The following NID1 variants were observed in gnomAD, a reference collection of about 807,000 sequenced individuals.
NID1 encodes the protein nidogen-1.
In NID1, 76 loss-of-function variants were observed where a neutral mutation model predicts 130.6. That is an observed-to-expected ratio of 0.58 (90% CI 0.48 to 0.70). NID1 has a LOEUF of 0.70. Ranked by LOEUF, NID1 falls within the 30% of genes least tolerant of loss-of-function variation. The probability of loss-of-function intolerance (pLI) is 0.00; values close to 1 mark genes in which losing one functional copy is unlikely to be tolerated. For missense variants in NID1, 1,517 were observed against 1,664.8 expected (o/e 0.91, Z 1.54); for synonymous variants, 665 against 675.1 (o/e 0.98, Z 0.23).
At chr1:236,038,847 CCT>C (rs1381053732) in intron 4 of NID1, among the ~76,000 whole-genome samples, 9 of 129,278 alleles carry the variant, frequency 7.0e-5, no homozygotes, top group Admixed American at 2.4e-4. Context: ...ATAAATATTA[CCT>C]ATGTTATATA....
intron 16 of NID1, 93 bp downstream of exon 16, chr1:235,981,518 G>T: frequency 7.3e-7 from 1 of 1,361,474 alleles, no homozygotes; most frequent in Non-Finnish European, 1.0e-6. Flanking sequence ...AATTTCAGGA[G>T]ACCAATGCTG....
intron 1 of NID1, among the ~76,000 whole-genome samples, chr1:236,061,731 T>G (rs1660042956): frequency 6.7e-6 from 1 of 149,058 alleles, no homozygotes; most frequent in Non-Finnish European, 1.5e-5. Context: ...TCTCAACAAT[T>G]AAAAAAAAAA....
At chr1:236,012,528 A>C (rs928256209) in intron 11 of NID1, among the ~76,000 whole-genome samples, 3 of 136,864 alleles carry the variant, frequency 2.2e-5, no homozygotes, top group Admixed American at 8.3e-5. Flanking sequence ...ATTGCACTCC[A>C]GCTTGGGCAA....
intron 14 of NID1, among the ~76,000 whole-genome samples, chr1:235,986,433 CAA>C (rs5781855): frequency 7.2e-4 from 107 of 148,186 alleles, no homozygotes; most frequent in Middle Eastern, 3.5e-3. Context: ...GTGACAGCAT[CAA>C]AAAAAAAAAC....
At chr1:236,042,961 G>A (rs1041474291) in intron 3 of NID1, among the ~76,000 whole-genome samples, 1 of 152,186 alleles carries the variant, frequency 6.6e-6, no homozygotes, top group East Asian at 1.9e-4. Flanking sequence ...AATCACCAAG[G>A]ATCAGTGATT....
At chr1:236,043,452 C>T (rs1190452265) in intron 3 of NID1, among the ~76,000 whole-genome samples, 1 of 152,118 alleles carries the variant, frequency 6.6e-6, no homozygotes, top group Non-Finnish European at 1.5e-5. Flanking sequence ...AAACCCCACC[C>T]ATTTGGTGTC....
At chr1:235,997,178 G>A (rs1354283514) in intron 12 of NID1, among the ~76,000 whole-genome samples, 1 of 152,108 alleles carries the variant, frequency 6.6e-6, no homozygotes, top group Non-Finnish European at 1.5e-5. Context: ...TGGTTGAATA[G>A]GTCTAGGGTA....
chr1:236,016,200 T>A (rs2102819303), intron 10 of NID1, among the ~76,000 whole-genome samples: 1 of 150,656 alleles, frequency 6.6e-6, no homozygotes, highest in East Asian at 1.9e-4. Flanking sequence ...AAATCTCAAC[T>A]GTGCAGAGGG....
At chr1:236,063,645 A>C (rs1378139617) in intron 1 of NID1, among the ~76,000 whole-genome samples, 1 of 151,946 alleles carries the variant, frequency 6.6e-6, no homozygotes, top group African/African-American at 2.4e-5. Context: ...TATACTGCCC[A>C]GCATGGTGAC....
intron 5 of NID1, among the ~76,000 whole-genome samples, chr1:236,037,511 A>G (rs1378590311): frequency 6.6e-6 from 1 of 152,148 alleles, no homozygotes; most frequent in African/African-American, 2.4e-5. Flanking sequence ...TACAAAAATT[A>G]GCTGGGTTTG....
rs1320505277 is a variant in NID1, at chr1:236,038,153, G to C, written c.1236C>G (p.Cys412Trp). 2 of 1,610,172 alleles carry C rather than the reference G, an allele frequency of 1.2e-6. No homozygotes were observed. The highest frequency in any genetic ancestry group is 1.7e-6 in the Non-Finnish European group (2 of 1,176,950). The change falls in exon 5 of 20, where the codon TGC becomes TGG. Residue 412 changes from cysteine (C) to tryptophan (W), a missense_variant. Around this residue, in one of 3 missense-constraint regions of NID1, gnomAD observed 1,329 missense variants for 1,429.2 expected, o/e 0.93. Transcript: ENST00000264187. The part of the protein sequence containing the change: ...ECRDYATGFC[C>W]SCVAGYTGNG... Reference sequence around the variant, plus strand: ...TGCCCGTATAGCCAGCGACACAGCTGCAGCAGAAGCCCGTGGCGTAGTCCC... The same window carrying C: ...TGCCCGTATAGCCAGCGACACAGCTCCAGCAGAAGCCCGTGGCGTAGTCCC...
At chr1:235,990,197 A>C (rs547480101) in intron 14 of NID1, among the ~76,000 whole-genome samples, 6 of 152,358 alleles carry the variant, frequency 3.9e-5, no homozygotes. Flanking sequence ...AAATAGAAAA[A>C]GAAGAAAACA....
chr1:236,057,962 C>T (rs1449204735), intron 1 of NID1, among the ~76,000 whole-genome samples: 1 of 152,126 alleles, frequency 6.6e-6, no homozygotes, highest in African/African-American at 2.4e-5. Context: ...ACTTAGGGAT[C>T]CTGACTCCCA....
At chr1:235,980,759 C>A in intron 16 of NID1, 106 bp from the exon 17 acceptor site, 1 of 1,195,156 alleles carries the variant, frequency 8.4e-7, no homozygotes, top group Non-Finnish European at 1.2e-6. Flanking sequence ...GATTGGCAGA[C>A]ATGAAAACAG....
At chr1:236,012,868 A>G (rs1436346506) in intron 11 of NID1, among the ~76,000 whole-genome samples, 1 of 152,252 alleles carries the variant, frequency 6.6e-6, no homozygotes, top group Non-Finnish European at 1.5e-5. Flanking sequence ...AGGGTACTCT[A>G]TTGATGGGCT....
At chr1:236,043,776 C>T (rs2385056) in intron 3 of NID1, among the ~76,000 whole-genome samples, 73,533 of 151,704 alleles carry the variant, frequency 0.48, 18,374 homozygotes, top group East Asian at 0.68. Context: ...CCAGCCTGGG[C>T]GACAGAGCAA....
intron 8 of NID1, 117 bp from the exon 9 acceptor site, chr1:236,024,330 G>T: frequency 8.1e-7 from 1 of 1,242,032 alleles, no homozygotes; most frequent in South Asian, 1.5e-5. Context: ...GAAGAGCAGA[G>T]TGGAATGGGA....
intron 6 of NID1, 55 bp downstream of exon 6, chr1:236,032,346 C>A (rs763845109): frequency 1.0e-5 from 16 of 1,580,584 alleles, no homozygotes; most frequent in African/African-American, 1.3e-5. Context: ...ATCCCCAGGC[C>A]TCCCCCTAGG....
Position 236,045,339 on chromosome 1 carries a change from T to C in NID1, c.752+118A>G, listed in dbSNP as rs139593988. 31 of 665,664 alleles carry C rather than the reference T, an allele frequency of 4.7e-5. No individual in the cohort carries two copies. The African/African-American group carries it at 5.3e-4, about 11-fold the overall frequency. The allele number at this position is 665,664 out of a possible 1,614,324, so 41.2% of individuals were successfully genotyped here. A position where few individuals can be genotyped will look rare whatever the true frequency, so the allele number is the denominator to read the frequency against. ...AAAGAGTATCTCATAATATAAAAAC[T>C]ATATGCAAAACTTAAATCCATAGGA... On this transcript the variant is annotated intron_variant, in intron 3 of 19. Transcript: ENST00000264187.
Sources: gnomAD v4.1 joint callset for allele counts (sites outside exome capture counted in the v4.1 genomes callset) on GRCh38, gnomAD v4.1.1 for gene constraint, gnomAD v4.1.1 regional missense constraint, MANE v1.5 for transcripts, NCBI Gene and HGNC (gene_info 2026-07-23, HGNC 2026-07-21) for gene names.